Variants in AOPEP observed in about 807,000 individuals in gnomAD.
AOPEP encodes the protein aminopeptidase O.
Under a neutral mutation model 98.1 loss-of-function variants are expected in AOPEP, and 77 were observed. The observed-to-expected ratio is 0.78, with a 90% CI of 0.65 to 0.95. AOPEP has a LOEUF of 0.95. AOPEP is among the 40% of genes least tolerant of loss of function. AOPEP has a pLI of 0.00. For synonymous variants in AOPEP, 346 were observed against 365.3 expected (o/e 0.95, Z 0.60); for missense variants, 1,024 against 1,024.7 (o/e 1.00, Z 0.01).
chr9:95,025,015 G>A (rs2063732199), intron 13 of AOPEP, among the ~76,000 whole-genome samples: 1 of 152,146 alleles, frequency 6.6e-6, no homozygotes, highest in African/African-American at 2.4e-5. Flanking sequence ...TAGGGTACAT[G>A]TGATTTAGTA....
At chr9:94,830,090 A>T (rs1855610799) in intron 5 of AOPEP, among the ~76,000 whole-genome samples, 1 of 152,196 alleles carries the variant, frequency 6.6e-6, no homozygotes, top group Non-Finnish European at 1.5e-5. Flanking sequence ...CAGGTTTGTT[A>T]CATAGGTAAA....
At chr9:94,895,728 T>C (rs2049459949) in intron 5 of AOPEP, among the ~76,000 whole-genome samples, 1 of 152,114 alleles carries the variant, frequency 6.6e-6, no homozygotes, top group Non-Finnish European at 1.5e-5. Context: ...AGCTGATTTT[T>C]GTACTGTTAG....
chr9:95,023,612 A>C (rs2063626113), intron 13 of AOPEP, among the ~76,000 whole-genome samples: 1 of 152,230 alleles, frequency 6.6e-6, no homozygotes, highest in African/African-American at 2.4e-5. Flanking sequence ...CTGGTTATCC[A>C]CAAAAAAATG....
intron 5 of AOPEP, among the ~76,000 whole-genome samples, chr9:94,906,919 T>C (rs2051229484): frequency 6.6e-6 from 1 of 152,242 alleles, no homozygotes; most frequent in African/African-American, 2.4e-5. Flanking sequence ...TGGAATCACC[T>C]GGTGACCCAC....
chr9:94,966,351 C>G (rs1433816600), intron 9 of AOPEP, among the ~76,000 whole-genome samples: 2 of 151,994 alleles, frequency 1.3e-5, no homozygotes, highest in African/African-American at 4.8e-5. Flanking sequence ...TATTTGCAGA[C>G]TTGGTTCTAC....
At chr9:94,829,549 C>T (rs1029741621) in intron 5 of AOPEP, among the ~76,000 whole-genome samples, 3 of 152,206 alleles carry the variant, frequency 2.0e-5, no homozygotes, top group African/African-American at 7.2e-5. Context: ...AAACAGGCCA[C>T]GCCCATGATG....
the AOPEP span, among the ~76,000 whole-genome samples, chr9:95,116,249 C>T: frequency 6.6e-6 from 1 of 152,202 alleles, no homozygotes; most frequent in African/African-American, 2.4e-5. Context: ...CTGACCTAAG[C>T]GTAAGGTGAA....
intron 5 of AOPEP, among the ~76,000 whole-genome samples, chr9:94,897,290 T>C (rs1360814481): frequency 6.6e-6 from 1 of 152,172 alleles, no homozygotes; most frequent in East Asian, 1.9e-4. Context: ...TTCAGATTTT[T>C]TTATATGATG....
chr9:94,972,820 T>G lies in AOPEP; in HGVS notation c.1916+5019T>G, dbSNP rs1305389346. Among the ~76,000 whole-genome samples the G allele has an allele frequency of 1.3e-5, 2 of 151,988 alleles. No individual in the cohort carries two copies. Among genetic ancestry groups the G allele is most frequent in the Non-Finnish European group, 2.9e-5 (2 of 67,988 alleles). On this transcript the variant is annotated intron_variant, in intron 10 of 16. Transcript: ENST00000375315. The surrounding 1 kb of genome is among the most constrained non-coding windows in gnomAD (Gnocchi z 4.2). Reference sequence around the variant, plus strand: ...CCTGCATGGTGGTACGTGTCTGTAGTCTCAGCTACTCGGGAGGCTGAGGTG... The same window carrying G: ...CCTGCATGGTGGTACGTGTCTGTAGGCTCAGCTACTCGGGAGGCTGAGGTG...
chr9:94,964,788 C>T (rs1212890901), intron 9 of AOPEP, among the ~76,000 whole-genome samples: 1 of 151,836 alleles, frequency 6.6e-6, no homozygotes, highest in African/African-American at 2.4e-5. Context: ...TACAGGTGCC[C>T]ACCAACCCAC....
chr9:95,107,017 G>T, the AOPEP span: 1 of 1,592,644 alleles, frequency 6.3e-7, no homozygotes, highest in Non-Finnish European at 8.6e-7. Flanking sequence ...CCCACCTCTC[G>T]CCTGGAGCAG....
chr9:94,878,817 G>GT (rs1256814084), intron 5 of AOPEP, among the ~76,000 whole-genome samples: 3 of 152,206 alleles, frequency 2.0e-5, no homozygotes, highest in Non-Finnish European at 4.4e-5. Context: ...TGCCCAGTGG[G>GT]TTCCCCTTGC....
rs148377797 is a variant in AOPEP, at chr9:95,059,143, C to A, written c.2116-1551C>A. On this transcript the variant is annotated intron_variant, in intron 13 of 16. Transcript: ENST00000375315. ...AAGTAGTTATGTAGTAATTTGATAT[C>A]TTTAAAACATGCTGCAATTACTTGA... Among the ~76,000 whole-genome samples, 976 of 152,328 alleles carry A rather than the reference C, an allele frequency of 6.4e-3. 4 individuals are homozygous for A. The highest frequency in any genetic ancestry group is 0.024 in the Middle Eastern group (7 of 294).
chr9:94,754,725 T>C (rs1836618908), intron 1 of AOPEP, among the ~76,000 whole-genome samples: 1 of 152,226 alleles, frequency 6.6e-6, no homozygotes, highest in Non-Finnish European at 1.5e-5. Flanking sequence ...ATTCAGGAGT[T>C]ACAGGGAATT....
chr9:95,058,147 T>A (rs997681777), intron 13 of AOPEP, among the ~76,000 whole-genome samples: 1 of 152,232 alleles, frequency 6.6e-6, no homozygotes, highest in African/African-American at 2.4e-5. Flanking sequence ...CAGGTATGAA[T>A]GCAGGTATTT....
the AOPEP span, among the ~76,000 whole-genome samples, chr9:95,104,268 AAGGAC>A: frequency 6.6e-5 from 10 of 152,216 alleles, no homozygotes; most frequent in Non-Finnish European, 2.9e-5. Context: ...AAACATCCGA[AAGGAC>A]AGCCCCCAGG....
At chr9:95,128,165 T>C in the AOPEP span, among the ~76,000 whole-genome samples, 1 of 152,184 alleles carries the variant, frequency 6.6e-6, no homozygotes, top group African/African-American at 2.4e-5. Context: ...ATAAAAGTTA[T>C]TAAGAGGTCA....
intron 13 of AOPEP, among the ~76,000 whole-genome samples, chr9:95,047,604 G>A (rs2065964518): frequency 6.6e-6 from 1 of 151,998 alleles, no homozygotes; most frequent in African/African-American, 2.4e-5. Flanking sequence ...TGTGGTTTGG[G>A]GCCACATCTT....
intron 3 of AOPEP, among the ~76,000 whole-genome samples, chr9:94,789,995 T>A (rs1306897090): frequency 6.6e-6 from 1 of 151,804 alleles, no homozygotes; most frequent in East Asian, 1.9e-4. Flanking sequence ...TGCTTCAGCC[T>A]CCCGAGTAGC....
Sources: allele counts gnomAD v4.1 joint callset (sites outside exome capture counted in the v4.1 genomes callset), GRCh38; gene constraint gnomAD v4.1.1; non-coding constraint Gnocchi (gnomAD v3.1); transcripts MANE v1.5; gene names NCBI Gene and HGNC (gene_info 2026-07-23, HGNC 2026-07-21).